KDM4D: variants seen among roughly 807,000 people sequenced by gnomAD.
KDM4D encodes the protein lysine demethylase 4D, also known as lysine-specific demethylase 4D.
For synonymous variants in KDM4D, 254 were observed against 249.1 expected (o/e 1.02, Z -0.19); for missense variants, 427 against 674.8 (o/e 0.63, Z 4.07).
At chr11:94,992,600 TG>T (rs1367933540) in intron 2 of KDM4D, among the ~76,000 whole-genome samples, 1 of 152,110 alleles carries the variant, frequency 6.6e-6, no homozygotes, top group Admixed American at 6.5e-5. Flanking sequence ...TTTAAAGTTT[TG>T]GCAACGTGTA....
intron 2 of KDM4D, among the ~76,000 whole-genome samples, chr11:94,978,397 T>C (rs1231573338): frequency 1.3e-5 from 2 of 152,174 alleles, no homozygotes; most frequent in Non-Finnish European, 2.9e-5. Flanking sequence ...AAATGACACA[T>C]TTTCTAATAT....
At position 94,998,511 on chromosome 11, in the gene KDM4D, A is replaced by G. The variant is rs1857996150; in HGVS notation, c.1139A>G (p.His380Arg). The G allele has an allele frequency of 6.2e-7, 1 of 1,612,398 alleles. No individual in the cohort carries two copies. The change falls in exon 3 of 3, where the codon CAC becomes CGC. Residue 380 changes from histidine (H) to arginine (R), a missense_variant. Coordinates refer to ENST00000335080, the MANE Select transcript of KDM4D (RefSeq NM_018039.3). The surrounding 1 kb of genome is among the most constrained non-coding windows in gnomAD (Gnocchi z 6.7). Reference sequence around the variant, plus strand: ...CTGGGCCTGAGACAACTCCCTTCCCACTGGGCCCGGCATTCCCCTTGGCCT... The same window carrying G: ...CTGGGCCTGAGACAACTCCCTTCCCGCTGGGCCCGGCATTCCCCTTGGCCT... ...AALGLRQLPS[H>R]WARHSPWPMA...
At position 94,997,084 on chromosome 11, in the gene KDM4D, G is replaced by A. The variant is rs1173724814; in HGVS notation, c.-289G>A. ...ATTTGGGTCGTACCCCCAGGTCTGA[G>A]TAATTCAATAGACTTAAGAAGACAG... On this transcript the variant is annotated 5_prime_UTR_variant, in exon 3 of 3. Coordinates refer to ENST00000335080, the MANE Select transcript of KDM4D (RefSeq NM_018039.3). 3.9e-6 allele frequency: 1 copy of A among 258,124 alleles called. No homozygotes were observed. Among genetic ancestry groups the A allele is most frequent in the Non-Finnish European group, 7.3e-6 (1 of 137,812 alleles). 16.0% of individuals were successfully genotyped at this position (258,124 alleles called of 1,614,324 possible). A position where few individuals can be genotyped will look rare whatever the true frequency, so the allele number is the denominator to read the frequency against.
chr11:94,992,965 C>T (rs11021000), intron 2 of KDM4D, among the ~76,000 whole-genome samples: 60 of 152,198 alleles, frequency 3.9e-4, no homozygotes, highest in African/African-American at 1.2e-3. Context: ...GAAACAAGGG[C>T]TGATGTCTGA....
intron 2 of KDM4D, among the ~76,000 whole-genome samples, chr11:94,980,632 A>C (rs1289596406): frequency 3.9e-5 from 6 of 152,092 alleles, no homozygotes; most frequent in African/African-American, 1.4e-4. Flanking sequence ...CTTCATAGAA[A>C]TTTTGCAAAT....
At chr11:94,985,142 T>A (rs949380254) in intron 2 of KDM4D, among the ~76,000 whole-genome samples, 3 of 152,192 alleles carry the variant, frequency 2.0e-5, no homozygotes, top group African/African-American at 7.2e-5. Context: ...AAGAAGACAT[T>A]CAGACTGAAA....
chr11:94,989,756 T>TTC (rs1194217191), intron 2 of KDM4D, among the ~76,000 whole-genome samples: 4 of 147,164 alleles, frequency 2.7e-5, no homozygotes, highest in South Asian at 2.2e-4. Flanking sequence ...CTCTTTCTTT[T>TTC]TTTTTTTTTT....
At chr11:94,983,674 AAATC>A (rs1348105432) in intron 2 of KDM4D, among the ~76,000 whole-genome samples, 1 of 152,166 alleles carries the variant, frequency 6.6e-6, no homozygotes, top group East Asian at 1.9e-4. Flanking sequence ...CAAAAGAAAT[AAATC>A]AGTGAAAAAT....
At chr11:94,993,398 AAAG>A (rs1555098888) in intron 2 of KDM4D, among the ~76,000 whole-genome samples, 1 of 152,188 alleles carries the variant, frequency 6.6e-6, no homozygotes, top group Non-Finnish European at 1.5e-5. Context: ...GTTCCAGTTG[AAAG>A]AAGCAAGTAG....
intron 2 of KDM4D, among the ~76,000 whole-genome samples, chr11:94,995,178 TAAGTC>T (rs1386765482): frequency 2.0e-5 from 3 of 152,222 alleles, no homozygotes; most frequent in Non-Finnish European, 2.9e-5. Context: ...ATATGGAAGA[TAAGTC>T]AAGGATAGAC....
chr11:94,990,450 T>C (rs1857925325), intron 2 of KDM4D, among the ~76,000 whole-genome samples: 1 of 152,164 alleles, frequency 6.6e-6, no homozygotes, highest in South Asian at 2.1e-4. Flanking sequence ...AGGACAGTGA[T>C]TAGGACCATT....
chr11:94,977,653 A>C (rs1472186408), intron 2 of KDM4D, among the ~76,000 whole-genome samples: 1 of 151,890 alleles, frequency 6.6e-6, no homozygotes, highest in Non-Finnish European at 1.5e-5. Context: ...TCTTCTTTTT[A>C]TCTTTTAAAA....
At chr11:94,977,175 A>G (rs1857804244) in intron 2 of KDM4D, among the ~76,000 whole-genome samples, 2 of 152,222 alleles carry the variant, frequency 1.3e-5, no homozygotes, top group African/African-American at 4.8e-5. Flanking sequence ...CAACCTTCTA[A>G]TGAGGAAAAT....
At chr11:94,988,798 G>C (rs1857910143) in intron 2 of KDM4D, among the ~76,000 whole-genome samples, 2 of 152,140 alleles carry the variant, frequency 1.3e-5, no homozygotes. Context: ...GGATGCTTCT[G>C]GTAGATATGC....
At chr11:94,974,380 G>T (rs1382456921) in intron 1 of KDM4D, among the ~76,000 whole-genome samples, 5 of 152,130 alleles carry the variant, frequency 3.3e-5, no homozygotes, top group Non-Finnish European at 7.4e-5. Context: ...GCTCATCTTG[G>T]TATCTCATCA....
At chr11:94,974,512 A>G (rs1857778680) in intron 1 of KDM4D, among the ~76,000 whole-genome samples, 1 of 152,194 alleles carries the variant, frequency 6.6e-6, no homozygotes, top group Non-Finnish European at 1.5e-5. Context: ...ATGCTTTCTT[A>G]CCCCTAAATT....
In KDM4D at chr11:94,998,157, A is replaced by G. The variant is rs146449803; in HGVS notation, c.785A>G (p.Asn262Ser). The stretch of plus-strand genomic sequence containing the variant: ...CTCAAGGAAAATGGGATTCCCTTCA[A>G]TCGCATAACTCAGGAGGCTGGAGAG... ...TVLKENGIPFNRITQEAGEFM... is the reference protein window; with the variant it reads ...TVLKENGIPFSRITQEAGEFM... The change falls in exon 3 of 3, where the codon AAT becomes AGT. Residue 262 changes from asparagine to serine, a missense_variant. Transcript: ENST00000335080. This position sits in a 1 kb window ranked among gnomAD's most constrained non-coding sequence, Gnocchi z 6.7. 6.3e-5 allele frequency: 101 copies of G among 1,614,024 alleles called. No individual in the cohort carries two copies. The highest frequency in any genetic ancestry group is 3.3e-4 in the Middle Eastern group (2 of 6,076).
chr11:94,983,672 A>G (rs1241631722), intron 2 of KDM4D, among the ~76,000 whole-genome samples: 3 of 152,186 alleles, frequency 2.0e-5, no homozygotes, highest in Non-Finnish European at 4.4e-5. Context: ...CACAAAAGAA[A>G]TAAATCAGTG....
At chr11:94,974,859 C>T (rs931158206) in intron 1 of KDM4D, among the ~76,000 whole-genome samples, 2 of 152,174 alleles carry the variant, frequency 1.3e-5, no homozygotes, top group Non-Finnish European at 2.9e-5. Context: ...TATCTTCCTG[C>T]GTCATCTTTT....
Sources: gnomAD v4.1 joint callset for allele counts (sites outside exome capture counted in the v4.1 genomes callset) on GRCh38, gnomAD v4.1.1 for gene constraint, Gnocchi (gnomAD v3.1) non-coding constraint, MANE v1.5 for transcripts, NCBI Gene and HGNC (gene_info 2026-07-23, HGNC 2026-07-21) for gene names.